APBA1: variants seen among roughly 807,000 people sequenced by gnomAD.
APBA1 encodes amyloid beta precursor protein binding family A member 1, also known as amyloid-beta A4 precursor protein-binding family A member 1.
A neutral mutation model predicts 86.6 loss-of-function variants in APBA1; 55 were observed. The ratio of observed to expected loss-of-function variants is 0.64; its 90% CI spans 0.51 to 0.80. The LOEUF (loss-of-function observed/expected upper bound fraction) is 0.80. Among genes scored for constraint, APBA1 ranks in the 30% least tolerant of loss-of-function variants. APBA1 has a pLI of 0.00. For synonymous variants in APBA1, 511 were observed against 493.9 expected (o/e 1.03, Z -0.46); for missense variants, 1,090 against 1,183.0 (o/e 0.92, Z 1.15).
intron 1 of APBA1, among the ~76,000 whole-genome samples, chr9:69,657,505 A>G (rs1292607687): frequency 6.6e-6 from 1 of 152,238 alleles, no homozygotes; most frequent in African/African-American, 2.4e-5. Context: ...TGTGAAAGAC[A>G]GAAGTCCCCC....
At chr9:69,551,908 T>C (rs1836790816) in intron 1 of APBA1, among the ~76,000 whole-genome samples, 1 of 152,228 alleles carries the variant, frequency 6.6e-6, no homozygotes, top group Admixed American at 6.5e-5. Flanking sequence ...CATAAAACTT[T>C]AATGCCTACT....
At chr9:69,493,636 C>T (rs970931417) in intron 2 of APBA1, among the ~76,000 whole-genome samples, 1 of 152,070 alleles carries the variant, frequency 6.6e-6, no homozygotes, top group Non-Finnish European at 1.5e-5. Flanking sequence ...TTATCATTAG[C>T]TTACGTTTCC....
At chr9:69,432,810 ACT>A (rs763884245) in intron 11 of APBA1, 134 bp from the exon 12 acceptor site, 26 of 911,328 alleles carry the variant, frequency 2.9e-5, no homozygotes, top group African/African-American at 1.5e-4. Context: ...TGGGCATTTA[ACT>A]CTCTTAGTGT....
chr9:69,471,890 C>T (rs984144508), intron 3 of APBA1, among the ~76,000 whole-genome samples, 195 bp from the exon 4 acceptor site: 16 of 152,142 alleles, frequency 1.1e-4, no homozygotes, highest in African/African-American at 3.9e-4. Flanking sequence ...CCAGAATAGT[C>T]CATTCATATT....
chr9:69,444,977 AGAGAGATGAATGATGAAGACAGGAGCAT>A (rs1248438991), intron 10 of APBA1, among the ~76,000 whole-genome samples: 3 of 152,220 alleles, frequency 2.0e-5, no homozygotes, highest in African/African-American at 7.2e-5. Context: ...GTGGGAAAGA[AGAGAGATGAATGATGAAGACAGGAGCAT>A]GTTGTTGGAA....
At chr9:69,571,675 C>T in intron 1 of APBA1, among the ~76,000 whole-genome samples, 1 of 152,282 alleles carries the variant, frequency 6.6e-6, no homozygotes, top group Middle Eastern at 3.4e-3. Context: ...TTCTAAATAT[C>T]ATATTAAATT....
chr9:69,435,450 G>C (rs1421830003), intron 11 of APBA1, among the ~76,000 whole-genome samples: 1 of 152,010 alleles, frequency 6.6e-6, no homozygotes, highest in Non-Finnish European at 1.5e-5. Flanking sequence ...ATCCTCTCCA[G>C]CACCTGTTGT....
At chr9:69,522,514 C>T (rs570485529) in intron 1 of APBA1, among the ~76,000 whole-genome samples, 1 of 152,104 alleles carries the variant, frequency 6.6e-6, no homozygotes. Context: ...ATCCAATGGG[C>T]ATTTATCAGA....
intron 1 of APBA1, among the ~76,000 whole-genome samples, chr9:69,616,058 C>T (rs545293068): frequency 7.9e-5 from 12 of 152,230 alleles, no homozygotes; most frequent in East Asian, 3.9e-4. Context: ...AGGATAATGA[C>T]GTAATTGCAG....
At chr9:69,484,610 C>T (rs1213238040) in intron 2 of APBA1, among the ~76,000 whole-genome samples, 1 of 152,168 alleles carries the variant, frequency 6.6e-6, no homozygotes, top group African/African-American at 2.4e-5. Context: ...GAAGCTTCCG[C>T]AGACCCTATT....
rs539556888 is a variant in APBA1, at chr9:69,630,636, A to T, written c.-70+41517T>A. Among the ~76,000 whole-genome samples, 264 of 152,254 alleles carry T rather than the reference A, an allele frequency of 1.7e-3. 1 individual carries two copies. Among genetic ancestry groups the T allele is most frequent in the African/African-American group, 5.5e-3 (229 of 41,544 alleles). On this transcript the variant is annotated intron_variant, in intron 1 of 12. Coordinates refer to ENST00000265381, the MANE Select transcript of APBA1 (RefSeq NM_001163.4). ...CTCCACATGTCCAAATGCAAAGGAC[A>T]CTTGTCCTTAACTTATCAGGCTCTC...
At chr9:69,524,184 CAAG>C (rs1836306712) in intron 1 of APBA1, among the ~76,000 whole-genome samples, 1 of 151,760 alleles carries the variant, frequency 6.6e-6, no homozygotes, top group Non-Finnish European at 1.5e-5. Context: ...ACTAGAAAAA[CAAG>C]AACAAACTAA....
intron 6 of APBA1, among the ~76,000 whole-genome samples, chr9:69,457,946 T>A (rs747047012): frequency 2.6e-5 from 4 of 152,296 alleles, no homozygotes; most frequent in Admixed American, 6.5e-5. Flanking sequence ...GTCGTTCCTC[T>A]GAAGTGAAAT....
intron 9 of APBA1, among the ~76,000 whole-genome samples, chr9:69,451,674 A>G (rs1408933641): frequency 6.6e-6 from 1 of 152,164 alleles, no homozygotes; most frequent in Non-Finnish European, 1.5e-5. Context: ...TGAATAGCTC[A>G]GTTTGAAGCC....
At chr9:69,620,858 G>A (rs1033381365) in intron 1 of APBA1, among the ~76,000 whole-genome samples, 11 of 152,080 alleles carry the variant, frequency 7.2e-5, no homozygotes, top group South Asian at 2.1e-4. Flanking sequence ...GGGCTGGTGC[G>A]GTCACACGAA....
At chr9:69,568,856 T>G (rs1837071555) in intron 1 of APBA1, among the ~76,000 whole-genome samples, 1 of 152,170 alleles carries the variant, frequency 6.6e-6, no homozygotes, top group South Asian at 2.1e-4. Flanking sequence ...AAGTTTAGGA[T>G]AGTGACTGGC....
chr9:69,526,663 A>G (rs1836346986), intron 1 of APBA1, among the ~76,000 whole-genome samples: 1 of 152,004 alleles, frequency 6.6e-6, no homozygotes, highest in Non-Finnish European at 1.5e-5. Context: ...CAGTTTGGAG[A>G]TTTCTCAGAG....
intron 10 of APBA1, among the ~76,000 whole-genome samples, chr9:69,442,291 C>T (rs1040928192): frequency 2.0e-5 from 3 of 152,168 alleles, no homozygotes; most frequent in African/African-American, 7.2e-5. Flanking sequence ...GTAAACAGAC[C>T]ACACTGTTGT....
intron 8 of APBA1, among the ~76,000 whole-genome samples, chr9:69,453,761 T>C (rs541053914): frequency 3.9e-5 from 6 of 152,364 alleles, no homozygotes; most frequent in African/African-American, 1.4e-4. Flanking sequence ...AACATTTCTG[T>C]GGCAAAATCT....
Sources: allele counts gnomAD v4.1 joint callset (sites outside exome capture counted in the v4.1 genomes callset), GRCh38; gene constraint gnomAD v4.1.1; transcripts MANE v1.5; gene names NCBI Gene and HGNC (gene_info 2026-07-23, HGNC 2026-07-21).